Variants in DIAPH2 observed in about 807,000 individuals in gnomAD.
DIAPH2 encodes the protein diaphanous related formin 2.
Under a neutral mutation model 92.7 loss-of-function variants are expected in DIAPH2, and 35 were observed. The observed-to-expected ratio is 0.38, with a 90% CI of 0.29 to 0.50. The LOEUF is 0.50. Ranked by LOEUF, DIAPH2 falls within the 20% of genes least tolerant of loss-of-function variation. The probability of loss-of-function intolerance (pLI) is 0.94; values close to 1 mark genes in which losing one functional copy is unlikely to be tolerated. For missense variants in DIAPH2, 701 were observed against 819.5 expected (o/e 0.86, Z 1.77); for synonymous variants, 301 against 280.4 (o/e 1.07, Z -0.73).
intron 4 of DIAPH2, among the ~76,000 whole-genome samples, chrX:96,808,204 T>G (rs920072189): frequency 2.7e-5 from 3 of 109,597 alleles, no homozygotes; most frequent in African/African-American, 9.9e-5. Flanking sequence ...TAGTGCTGAT[T>G]TAACAAATAC....
intron 20 of DIAPH2, among the ~76,000 whole-genome samples, chrX:97,110,525 T>A (rs2066972038): frequency 1.8e-5 from 2 of 111,829 alleles, no homozygotes; most frequent in Admixed American, 1.9e-4. Context: ...TGAGTTTCTA[T>A]ATGGTGAGCA....
chrX:96,933,459 A>G (rs1050516835), intron 10 of DIAPH2, among the ~76,000 whole-genome samples: 3 of 106,951 alleles, frequency 2.8e-5, no homozygotes, highest in Non-Finnish European at 5.8e-5. Flanking sequence ...CCTCTCAAGT[A>G]GCTGGGAATA....
chrX:97,485,008 A>G (rs2070677819), intron 26 of DIAPH2, among the ~76,000 whole-genome samples: 1 of 112,729 alleles, frequency 8.9e-6, no homozygotes, highest in South Asian at 3.6e-4. Flanking sequence ...GAACATTCTT[A>G]TTAATACCAA....
intron 26 of DIAPH2, among the ~76,000 whole-genome samples, chrX:97,442,313 T>C (rs745894152): frequency 8.0e-5 from 9 of 112,811 alleles, no homozygotes; most frequent in Non-Finnish European, 1.5e-4. Context: ...CTCACACAAC[T>C]ACCTGCTTAT....
intron 26 of DIAPH2, among the ~76,000 whole-genome samples, chrX:97,498,557 T>C (rs1453150203): frequency 8.9e-6 from 1 of 111,844 alleles, no homozygotes; most frequent in Admixed American, 9.5e-5. Flanking sequence ...CAGGAGACTC[T>C]AAGGTATCTC....
intron 24 of DIAPH2, 119 bp downstream of exon 24, chrX:97,348,399 A>G: frequency 1.6e-6 from 1 of 629,443 alleles, no homozygotes; most frequent in Non-Finnish European, 2.4e-6. Flanking sequence ...TTTTTTTAAT[A>G]AGAATTGACA....
rs1197734475 is a variant in DIAPH2, at chrX:97,601,401, T to A, written c.*2084T>A. 1 of 110,768 alleles carries A rather than the reference T, an allele frequency of 9.0e-6. No individual in the cohort carries two copies. Among genetic ancestry groups the A allele is most frequent in the Non-Finnish European group, 1.9e-5 (1 of 52,796 alleles). 9.1% of individuals were successfully genotyped at this position (110,768 alleles called of 1,213,427 possible). ...GAATGAAGTACTATTATTGATAACT[T>A]ATATATTTTTATTTAGAGCAATCCC... is the stretch of plus-strand genomic sequence containing the variant. On this transcript the variant is annotated 3_prime_UTR_variant, in exon 27 of 27. Transcript: ENST00000324765.
At chrX:97,582,714 G>A (rs1250593554) in intron 26 of DIAPH2, among the ~76,000 whole-genome samples, 37 of 109,435 alleles carry the variant, frequency 3.4e-4, no homozygotes, top group Middle Eastern at 4.7e-3. Context: ...GAATCTGAAC[G>A]TTGGCCTGCC....
chrX:96,999,229 G>A (rs926050866), intron 17 of DIAPH2, among the ~76,000 whole-genome samples: 3 of 110,931 alleles, frequency 2.7e-5, no homozygotes, highest in African/African-American at 6.6e-5. Context: ...GTCTAATTTC[G>A]ATTGGCTGGG....
chrX:97,329,034 C>G (rs1670554940), intron 23 of DIAPH2, among the ~76,000 whole-genome samples: 1 of 111,815 alleles, frequency 8.9e-6, no homozygotes, highest in Non-Finnish European at 1.9e-5. Context: ...CAGGATAAAT[C>G]AAACACAGTG....
At position 97,187,649 on chromosome X, in the gene DIAPH2, T is replaced by A. The variant is rs908817971; in HGVS notation, c.2719+45855T>A. Among the ~76,000 whole-genome samples, 10 of 110,674 alleles carry A rather than the reference T, an allele frequency of 9.0e-5. No individual in the cohort carries two copies. The South Asian group carries it at 3.5e-3, about 39-fold the overall frequency. On this transcript the variant is annotated intron_variant, in intron 22 of 26. Coordinates refer to ENST00000324765, the MANE Select transcript of DIAPH2 (RefSeq NM_006729.5). ...AGTTTGTAGCAATGTGATTGAATTA[T>A]AGACAGTTCGCTGGTAAAAATAGGC...
chrX:97,180,809 C>T (rs1319664226), intron 22 of DIAPH2, among the ~76,000 whole-genome samples: 1 of 110,833 alleles, frequency 9.0e-6, no homozygotes, highest in Non-Finnish European at 1.9e-5. Context: ...AAGATCATAT[C>T]GTTGTAAATG....
intron 22 of DIAPH2, among the ~76,000 whole-genome samples, chrX:97,187,798 A>C (rs946654917): frequency 2.7e-5 from 3 of 111,797 alleles, no homozygotes; most frequent in African/African-American, 9.7e-5. Context: ...ACAGAATGCT[A>C]ATGAATGAAT....
intron 23 of DIAPH2, among the ~76,000 whole-genome samples, chrX:97,337,559 C>T (rs192864409): frequency 2.7e-3 from 304 of 111,789 alleles, no homozygotes; most frequent in African/African-American, 9.3e-3. Context: ...GAGGACTCCC[C>T]AGCCATGTGA....
At chrX:97,005,470 G>C (rs1375660919) in intron 17 of DIAPH2, among the ~76,000 whole-genome samples, 2 of 110,701 alleles carry the variant, frequency 1.8e-5, no homozygotes, top group African/African-American at 6.6e-5. Context: ...CTCATTACTT[G>C]TTTATTGGTC....
chrX:96,701,612 G>C (rs983260038), intron 1 of DIAPH2: 2 of 110,841 alleles, frequency 1.8e-5, no homozygotes, highest in African/African-American at 6.6e-5. Flanking sequence ...ACTACCTTCA[G>C]ACCAGCCAAG....
intron 23 of DIAPH2, among the ~76,000 whole-genome samples, chrX:97,301,296 G>A (rs1461974737): frequency 9.0e-6 from 1 of 110,869 alleles, no homozygotes; most frequent in Non-Finnish European, 1.9e-5. Flanking sequence ...CCTCTATGAT[G>A]AGTTTAAACA....
intron 26 of DIAPH2, among the ~76,000 whole-genome samples, chrX:97,578,120 C>T (rs2071410745): frequency 1.0e-5 from 1 of 100,180 alleles, no homozygotes; most frequent in Admixed American, 1.1e-4. Context: ...TAGAACTAAG[C>T]ATTTGTTGCA....
chrX:96,897,722 ATTTT>A (rs2147766313), intron 5 of DIAPH2, among the ~76,000 whole-genome samples: 1 of 108,503 alleles, frequency 9.2e-6, no homozygotes, highest in East Asian at 2.9e-4. Context: ...ATTTTTTTAA[ATTTT>A]ATTTTATTAT....
Sources: gnomAD v4.1 joint callset for allele counts (sites outside exome capture counted in the v4.1 genomes callset) on GRCh38, gnomAD v4.1.1 for gene constraint, MANE v1.5 for transcripts, NCBI Gene and HGNC (gene_info 2026-07-23, HGNC 2026-07-21) for gene names.